The following OPN5 variants were observed in gnomAD, a reference collection of about 807,000 sequenced individuals.
The protein encoded by OPN5 is opsin 5.
In OPN5, 18 loss-of-function variants were observed where a neutral mutation model predicts 41.7. The ratio of observed to expected loss-of-function variants is 0.43; its 90% CI spans 0.30 to 0.64. The LOEUF (loss-of-function observed/expected upper bound fraction) is 0.64. Ranked by LOEUF, OPN5 falls within the 30% of genes least tolerant of loss-of-function variation. OPN5 has a pLI of 0.13. For synonymous variants in OPN5, 178 were observed against 164.3 expected, an observed-to-expected ratio of 1.08 and a Z score of -0.64; for missense variants, 318 against 434.5, an observed-to-expected ratio of 0.73 and a Z score of 2.38.
intron 4 of OPN5, among the ~76,000 whole-genome samples, chr6:47,802,198 C>T (rs1314974758): frequency 6.6e-6 from 1 of 152,188 alleles, no homozygotes; most frequent in Non-Finnish European, 1.5e-5. Flanking sequence ...GTCCCAGAAA[C>T]TAATGATATG....
intron 1 of OPN5, among the ~76,000 whole-genome samples, chr6:47,783,971 T>C (rs1045287477): frequency 6.6e-6 from 1 of 152,184 alleles, no homozygotes; most frequent in African/African-American, 2.4e-5. Flanking sequence ...CAGGGAGGAT[T>C]GCAGGAGGAT....
chr6:47,792,982 G>GT (rs11409547), intron 3 of OPN5, among the ~76,000 whole-genome samples: 93,615 of 137,814 alleles, frequency 0.68, 32,345 homozygotes, highest in East Asian at 0.92. Flanking sequence ...CCAGCACTAC[G>GT]TTTTTTTTTT....
chr6:47,805,134 C>A (rs1387134801), intron 4 of OPN5, among the ~76,000 whole-genome samples: 1 of 152,238 alleles, frequency 6.6e-6, no homozygotes, highest in African/African-American at 2.4e-5. Context: ...AAGGCCCTCA[C>A]TGTGAGCCTT....
Position 47,808,193 on chromosome 6 carries a change from A to T in OPN5, c.796A>T (p.Ile266Phe), listed in dbSNP as rs1220261350. Residue 266 changes from isoleucine (I) to phenylalanine (F), a missense_variant, in exon 5 of 7, where the codon ATT becomes TTT. Physicochemically the swap from Ile to Phe is conservative, Grantham distance 21. This residue lies in a region of OPN5 where 219 missense variants were observed against 343.4 expected (regional missense o/e 0.64). Coordinates refer to ENST00000371211, the Ensembl canonical transcript of OPN5. The stretch of plus-strand genomic sequence containing the variant: ...TTGTGCTGGATTCCTGATTGCCTGG[A>T]TTCCTTATGCAGTGGTGTCTGTGTG... 4 of 1,613,158 alleles carry T rather than the reference A, an allele frequency of 2.5e-6. No individual in the cohort carries two copies. The African/African-American group carries it at 5.4e-5, about 22-fold the overall frequency.
downstream of OPN5, chr6:47,825,094 A>T (rs12174338): frequency 2.0e-5 from 3 of 152,062 alleles, no homozygotes; most frequent in African/African-American, 7.2e-5. Flanking sequence ...AATGAATGAG[A>T]AGGGCCAGCC....
intron 4 of OPN5, 127 bp from the exon 5 acceptor site, chr6:47,808,027 A>G: frequency 1.2e-6 from 1 of 866,862 alleles, no homozygotes; most frequent in Non-Finnish European, 1.9e-6. Flanking sequence ...TGTACAAAGT[A>G]AATGAAAACA....
exon 1 of OPN5, chr6:47,782,134 C>G (rs867948080): frequency 6.2e-7 from 1 of 1,613,544 alleles, no homozygotes; most frequent in Non-Finnish European, 8.5e-7. Context: ...GATGGGGATC[C>G]TTTTGCTTCC....
intron 5 of OPN5, among the ~76,000 whole-genome samples, chr6:47,808,833 G>A (rs1774079445): frequency 6.6e-6 from 1 of 152,172 alleles, no homozygotes; most frequent in South Asian, 2.1e-4. Context: ...AGGAAGGGGA[G>A]AAGGGAGATG....
chr6:47,793,176 T>C (rs1773440014), intron 3 of OPN5, among the ~76,000 whole-genome samples: 1 of 152,150 alleles, frequency 6.6e-6, no homozygotes, highest in South Asian at 2.1e-4. Context: ...TAACTATAGA[T>C]TTTATAGATA....
At chr6:47,786,767 C>T in intron 2 of OPN5, 133 bp downstream of exon 2, 1 of 748,478 alleles carries the variant, frequency 1.3e-6, no homozygotes, top group Admixed American at 2.6e-5. Flanking sequence ...CACAAATCAA[C>T]TTTCAGAGTT....
At chr6:47,789,919 G>A (rs1232839850) in intron 2 of OPN5, among the ~76,000 whole-genome samples, 1 of 151,286 alleles carries the variant, frequency 6.6e-6, no homozygotes, top group Non-Finnish European at 1.5e-5. Context: ...TTTTTGTGGG[G>A]GGTGTGGTGA....
chr6:47,814,587 T>C (rs1762374257), intron 6 of OPN5, among the ~76,000 whole-genome samples: 2 of 152,038 alleles, frequency 1.3e-5, no homozygotes, highest in Non-Finnish European at 2.9e-5. Flanking sequence ...TTGATAGAGA[T>C]GTGGTCCTTG....
intron 5 of OPN5, among the ~76,000 whole-genome samples, chr6:47,810,257 AGAGGTT>A (rs1423806736): frequency 6.6e-6 from 1 of 152,206 alleles, no homozygotes; most frequent in East Asian, 1.9e-4. Context: ...CTTAGGTGCT[AGAGGTT>A]GAAGCCTCTT....
chr6:47,788,520 C>A (rs7767916), intron 2 of OPN5, among the ~76,000 whole-genome samples: 53 of 152,294 alleles, frequency 3.5e-4, no homozygotes, highest in Admixed American at 7.2e-4. Flanking sequence ...CACCAGAAAC[C>A]ACTTTCTTTC....
At chr6:47,810,215 AG>A (rs1463244479) in intron 5 of OPN5, among the ~76,000 whole-genome samples, 2 of 152,196 alleles carry the variant, frequency 1.3e-5, no homozygotes, top group African/African-American at 4.8e-5. Context: ...TCGGGGAAAA[AG>A]CAGGCGGTAG....
chr6:47,786,456 TA>T, intron 1 of OPN5, 58 bp from the exon 2 acceptor site: 1 of 1,485,442 alleles, frequency 6.7e-7, no homozygotes, highest in South Asian at 1.2e-5. Context: ...AAGTGTTTCA[TA>T]TCTGAGTGAA....
At chr6:47,816,871 T>C (rs1043109087) in intron 6 of OPN5, among the ~76,000 whole-genome samples, 4 of 152,168 alleles carry the variant, frequency 2.6e-5, no homozygotes, top group African/African-American at 9.7e-5. Flanking sequence ...TTATCATCAC[T>C]ATTAGAGGAA....
chr6:47,784,887 A>G (rs1385767162), intron 1 of OPN5, among the ~76,000 whole-genome samples: 1 of 152,096 alleles, frequency 6.6e-6, no homozygotes, highest in South Asian at 2.1e-4. Flanking sequence ...TATCTTCTTA[A>G]TCTGGTTGTC....
chr6:47,804,093 C>T (rs1288232816), intron 4 of OPN5, among the ~76,000 whole-genome samples: 2 of 152,156 alleles, frequency 1.3e-5, no homozygotes, highest in Non-Finnish European at 2.9e-5. Context: ...GCTTTTGTGA[C>T]ACAATACCAG....
Sources: gnomAD v4.1 joint callset for allele counts (sites outside exome capture counted in the v4.1 genomes callset) on GRCh38, gnomAD v4.1.1 for gene constraint, gnomAD v4.1.1 regional missense constraint, MANE v1.5 for transcripts, NCBI Gene and HGNC (gene_info 2026-07-23, HGNC 2026-07-21) for gene names.